The following SLC44A1 variants were observed in gnomAD, a reference collection of about 807,000 sequenced individuals.
SLC44A1 encodes the protein choline transporter-like protein 1.
In SLC44A1, 26 loss-of-function variants were observed where a neutral mutation model predicts 79.3. The observed-to-expected ratio is 0.33, with a 90% CI of 0.24 to 0.46. SLC44A1 has a LOEUF of 0.46. Among genes scored for constraint, SLC44A1 ranks in the 20% least tolerant of loss-of-function variants. The probability of loss-of-function intolerance (pLI) is 1.00; values close to 1 mark genes in which losing one functional copy is unlikely to be tolerated. For synonymous variants in SLC44A1, 263 were observed against 286.2 expected, an observed-to-expected ratio of 0.92 and a Z score of 0.82; for missense variants, 688 against 798.1, an observed-to-expected ratio of 0.86 and a Z score of 1.66.
At chr9:105,432,294 C>T (rs1829407884) in intron 15 of SLC44A1, among the ~76,000 whole-genome samples, 1 of 152,124 alleles carries the variant, frequency 6.6e-6, no homozygotes, top group African/African-American at 2.4e-5. Context: ...ATTTATAGCC[C>T]TTCTCTTTGT....
At chr9:105,422,176 T>A (rs1829261248) in intron 15 of SLC44A1, among the ~76,000 whole-genome samples, 1 of 151,774 alleles carries the variant, frequency 6.6e-6, no homozygotes, top group Non-Finnish European at 1.5e-5. Context: ...AATTTCCCCT[T>A]AAATCAGCAG....
At chr9:105,328,278 C>A (rs193131547) in intron 3 of SLC44A1, among the ~76,000 whole-genome samples, 1 of 151,960 alleles carries the variant, frequency 6.6e-6, no homozygotes, top group African/African-American at 2.4e-5. Context: ...AGTGTGTGAA[C>A]GAGTGTAAGT....
In SLC44A1 at chr9:105,305,684, A is replaced by G. The variant is rs530495118; in HGVS notation, c.127-4040A>G. On this transcript the variant is annotated intron_variant, in intron 2 of 15. Transcript: ENST00000374720. The stretch of plus-strand genomic sequence containing the variant: ...TTTTTTCCCTACCTTTTTATTTTGA[A>G]ACATTTTGCCATACTCATACACCAT... Among the ~76,000 whole-genome samples the G allele has an allele frequency of 9.2e-5, 14 of 152,134 alleles. No individual in the cohort carries two copies. The South Asian group carries it at 2.7e-3, about 29-fold the overall frequency.
At chr9:105,342,443 G>T (rs902555217) in intron 4 of SLC44A1, among the ~76,000 whole-genome samples, 28 of 152,062 alleles carry the variant, frequency 1.8e-4, no homozygotes, top group Non-Finnish European at 3.5e-4. Context: ...TCCACCGAGG[G>T]GTCTTGGAAT....
intron 2 of SLC44A1, among the ~76,000 whole-genome samples, chr9:105,302,371 TG>T (rs1455619359): frequency 6.6e-6 from 1 of 152,094 alleles, no homozygotes; most frequent in Non-Finnish European, 1.5e-5. Flanking sequence ...TCTTTTTTTT[TG>T]AGACAGAGTC....
chr9:105,261,775 CTTTT>C (rs35530318), intron 1 of SLC44A1, among the ~76,000 whole-genome samples: 12 of 111,690 alleles, frequency 1.1e-4, no homozygotes, highest in African/African-American at 2.6e-4. Context: ...CTCTCTCTCT[CTTTT>C]TTTTTTTTTT....
chr9:105,314,634 A>G (rs1175042515), intron 3 of SLC44A1, among the ~76,000 whole-genome samples: 2 of 152,162 alleles, frequency 1.3e-5, no homozygotes, highest in African/African-American at 4.8e-5. Flanking sequence ...TAAAGTCTCC[A>G]TTGCCCTAAA....
intron 15 of SLC44A1, chr9:105,385,806 T>C: frequency 3.0e-6 from 3 of 985,454 alleles, no homozygotes; most frequent in Non-Finnish European, 2.4e-6. Flanking sequence ...TGTTTCCTTT[T>C]TAACTGTCAG....
chr9:105,335,767 C>G, intron 4 of SLC44A1, 68 bp downstream of exon 4: 1 of 1,446,410 alleles, frequency 6.9e-7, no homozygotes, highest in Non-Finnish European at 9.4e-7. Flanking sequence ...TAAATTTGCC[C>G]TAGTGTTAAA....
intron 1 of SLC44A1, among the ~76,000 whole-genome samples, chr9:105,297,185 G>T (rs73510291): frequency 1.8e-4 from 28 of 152,060 alleles, no homozygotes; most frequent in African/African-American, 6.3e-4. Context: ...TTTTTGTTTT[G>T]TTCTGTTCAT....
intron 2 of SLC44A1, among the ~76,000 whole-genome samples, chr9:105,301,964 C>G (rs1830892161): frequency 6.6e-6 from 1 of 152,158 alleles, no homozygotes; most frequent in African/African-American, 2.4e-5. Flanking sequence ...TACCTATGGT[C>G]TAGTTCTTAA....
intron 12 of SLC44A1, among the ~76,000 whole-genome samples, chr9:105,371,678 C>G (rs540320746): frequency 1.4e-5 from 2 of 139,650 alleles, no homozygotes; most frequent in South Asian, 4.5e-4. Context: ...GAGATCGTGC[C>G]TCTGCACTTC....
intron 10 of SLC44A1, among the ~76,000 whole-genome samples, 183 bp from the exon 11 acceptor site, chr9:105,365,300 T>C (rs1827904847): frequency 6.6e-6 from 1 of 152,168 alleles, no homozygotes; most frequent in Non-Finnish European, 1.5e-5. Context: ...ATGACATTAA[T>C]TTTATATAGC....
intron 12 of SLC44A1, among the ~76,000 whole-genome samples, chr9:105,373,018 T>C (rs74344739): frequency 0.025 from 3,775 of 152,186 alleles, 52 homozygotes; most frequent in Middle Eastern, 0.048. Context: ...CTCTGAAATG[T>C]TCTGCATTTT....
chr9:105,277,397 A>G (rs993836330), intron 1 of SLC44A1, among the ~76,000 whole-genome samples: 2 of 152,186 alleles, frequency 1.3e-5, no homozygotes, highest in African/African-American at 4.8e-5. Context: ...TGTCTAAATC[A>G]AGTGTCTTAG....
At chr9:105,398,568 G>T (rs1227092555), downstream of SLC44A1, among the ~76,000 whole-genome samples, 1 of 152,124 alleles carries the variant, frequency 6.6e-6, no homozygotes, top group Non-Finnish European at 1.5e-5. Flanking sequence ...CTTTCTGTTT[G>T]ACTATGGAAA....
rs114108145 is a variant in SLC44A1, at chr9:105,392,297, A to C, written c.*3241A>C. The C allele has an allele frequency of 2.7e-3, 2,643 of 984,300 alleles. 58 individuals are homozygous for C. In the African/African-American group the frequency reaches 0.042, roughly 16 times the overall value. The allele number at this position is 984,300 out of a possible 1,614,324, so 61.0% of individuals were successfully genotyped here. On this transcript the variant is annotated 3_prime_UTR_variant, in exon 16 of 16. Coordinates refer to ENST00000374720, the MANE Select transcript of SLC44A1 (RefSeq NM_080546.5). ...TTAAGTAGCTTAACTGTATGTTGGT[A>C]CCCAAACTTTTTCTATAATGGTTAA...
At chr9:105,321,494 T>G (rs1376928697) in intron 3 of SLC44A1, among the ~76,000 whole-genome samples, 3 of 152,200 alleles carry the variant, frequency 2.0e-5, no homozygotes, top group Non-Finnish European at 1.5e-5. Context: ...ATCTTTTTAA[T>G]AGCACTATTT....
chr9:105,293,879 A>T lies in SLC44A1; in HGVS notation c.37-5341A>T, dbSNP rs548194739. ...GCCTTGGGTTTAGTTATTAGGGCTC[A>T]TGGTGAATGTGGAGTCTAAGACATA... is the stretch of plus-strand genomic sequence containing the variant. On this transcript the variant is annotated intron_variant, in intron 1 of 15. Coordinates refer to ENST00000374720, the MANE Select transcript of SLC44A1 (RefSeq NM_080546.5). Among the ~76,000 whole-genome samples, 52 of 152,246 alleles carry T rather than the reference A, an allele frequency of 3.4e-4. 1 individual carries two copies. The highest frequency in any genetic ancestry group is 6.9e-4 in the Non-Finnish European group (47 of 68,044).
Sources: gnomAD v4.1 joint callset for allele counts (sites outside exome capture counted in the v4.1 genomes callset) on GRCh38, gnomAD v4.1.1 for gene constraint, MANE v1.5 for transcripts, NCBI Gene and HGNC (gene_info 2026-07-23, HGNC 2026-07-21) for gene names.